Variants in ZRANB3 observed in about 807,000 individuals in gnomAD.
ZRANB3 encodes zinc finger RANBP2-type containing 3, also known as DNA annealing helicase and endonuclease ZRANB3.
In ZRANB3, 125 loss-of-function variants were observed where a neutral mutation model predicts 133.8. The observed-to-expected ratio is 0.93, with a 90% CI of 0.81 to 1.08. ZRANB3 has a LOEUF of 1.08. Among genes scored for constraint, ZRANB3 ranks in the 50% least tolerant of loss-of-function variants. ZRANB3 has a pLI of 0.00. For missense variants in ZRANB3, 1,229 were observed against 1,275.5 expected (o/e 0.96, Z 0.56); for synonymous variants, 387 against 432.7 (o/e 0.89, Z 1.31).
intron 2 of ZRANB3, among the ~76,000 whole-genome samples, chr2:135,470,191 G>C (rs747045369): frequency 1.1e-4 from 16 of 151,576 alleles, no homozygotes; most frequent in African/African-American, 1.5e-4. Context: ...CAGGCGTGGT[G>C]GTGGGCACCT....
intron 2 of ZRANB3, among the ~76,000 whole-genome samples, chr2:135,453,897 T>C (rs1690381687): frequency 1.3e-5 from 2 of 152,208 alleles, no homozygotes; most frequent in Non-Finnish European, 1.5e-5. Flanking sequence ...ACTCTACTGA[T>C]ACCAATTATT....
At chr2:135,388,774 T>C (rs1687094533) in intron 3 of ZRANB3, among the ~76,000 whole-genome samples, 1 of 152,096 alleles carries the variant, frequency 6.6e-6, no homozygotes, top group African/African-American at 2.4e-5. Flanking sequence ...TGAAGAGCCA[T>C]TTAGAGCTCA....
intron 8 of ZRANB3, among the ~76,000 whole-genome samples, chr2:135,312,115 ATTT>A (rs201623200): frequency 2.2e-5 from 3 of 138,840 alleles, no homozygotes; most frequent in East Asian, 4.0e-4. Context: ...CATTGTATTT[ATTT>A]TTTTATTTTA....
At chr2:135,300,511 CTTG>C (rs1682376187) in intron 8 of ZRANB3, among the ~76,000 whole-genome samples, 1 of 152,124 alleles carries the variant, frequency 6.6e-6, no homozygotes, top group African/African-American at 2.4e-5. Context: ...CAGCTTGCAC[CTTG>C]TTGTGTTTGG....
At chr2:135,277,182 G>A (rs1240812219) in intron 8 of ZRANB3, among the ~76,000 whole-genome samples, 5 of 151,788 alleles carry the variant, frequency 3.3e-5, no homozygotes, top group Non-Finnish European at 2.9e-5. Flanking sequence ...AACAGAAACA[G>A]GCTTATGTCC....
intron 6 of ZRANB3, among the ~76,000 whole-genome samples, chr2:135,325,185 T>C (rs1165454968): frequency 6.6e-6 from 1 of 152,112 alleles, no homozygotes; most frequent in Non-Finnish European, 1.5e-5. Context: ...TGACACAGAA[T>C]AGCCAAAACA....
At chr2:135,481,030 T>G (rs1405663077) in intron 2 of ZRANB3, among the ~76,000 whole-genome samples, 1 of 151,984 alleles carries the variant, frequency 6.6e-6, no homozygotes, top group Admixed American at 6.6e-5. Flanking sequence ...GACATTTAGG[T>G]TGGTTCCAAG....
intron 8 of ZRANB3, among the ~76,000 whole-genome samples, chr2:135,277,704 C>G (rs1264147539): frequency 6.6e-6 from 1 of 152,114 alleles, no homozygotes. Context: ...GCGGGCAGAT[C>G]ACTTAAGGTC....
At chr2:135,413,724 C>T (rs983250493) in intron 2 of ZRANB3, among the ~76,000 whole-genome samples, 1 of 151,996 alleles carries the variant, frequency 6.6e-6, no homozygotes, top group African/African-American at 2.4e-5. Context: ...TAAACTCAGC[C>T]CTCTATTTCC....
intron 2 of ZRANB3, among the ~76,000 whole-genome samples, chr2:135,471,649 G>A (rs1430982271): frequency 6.6e-6 from 1 of 152,142 alleles, no homozygotes; most frequent in Admixed American, 6.5e-5. Context: ...TATTTACTGG[G>A]GAATTATTTC....
At chr2:135,431,890 G>A (rs1366643585) in intron 2 of ZRANB3, among the ~76,000 whole-genome samples, 1 of 152,084 alleles carries the variant, frequency 6.6e-6, no homozygotes. Context: ...TTAAATAGTT[G>A]TACGACATTA....
At chr2:135,410,654 G>A (rs1688261888) in intron 2 of ZRANB3, among the ~76,000 whole-genome samples, 1 of 151,982 alleles carries the variant, frequency 6.6e-6, no homozygotes, top group African/African-American at 2.4e-5. Context: ...CACAGCAAAA[G>A]AAACAATCAA....
intron 9 of ZRANB3, among the ~76,000 whole-genome samples, chr2:135,272,414 C>CTGTTTTTTTTTTTT (rs1680562927): frequency 9.3e-6 from 1 of 107,774 alleles, no homozygotes; most frequent in African/African-American, 4.5e-5. Context: ...GAAAATAGAG[C>CTGTTTTTTTTTTTT]TTTTTTTTTT....
intron 10 of ZRANB3, 114 bp from the exon 11 acceptor site, chr2:135,269,255 T>A: frequency 7.0e-6 from 6 of 851,118 alleles, no homozygotes; most frequent in Non-Finnish European, 9.8e-6. Context: ...AAATTAGTTG[T>A]CTATTTTAGG....
chr2:135,246,982 C>T (rs1339515882), intron 12 of ZRANB3, among the ~76,000 whole-genome samples: 1 of 152,104 alleles, frequency 6.6e-6, no homozygotes. Context: ...TCTAGTAAAA[C>T]TCATAAAAAA....
chr2:135,445,640 G>A (rs1470983602), intron 2 of ZRANB3, among the ~76,000 whole-genome samples: 3 of 151,896 alleles, frequency 2.0e-5, no homozygotes, highest in Admixed American at 1.3e-4. Context: ...CACTTTGGGA[G>A]GCTGAGGCGG....
chr2:135,494,380 A>G (rs1692571626), intron 2 of ZRANB3, among the ~76,000 whole-genome samples: 1 of 151,784 alleles, frequency 6.6e-6, no homozygotes, highest in Admixed American at 6.6e-5. Context: ...GAAAGGAAGG[A>G]AAGGAGAGGA....
intron 2 of ZRANB3, among the ~76,000 whole-genome samples, chr2:135,484,930 G>A (rs1692022486): frequency 6.6e-6 from 1 of 151,844 alleles, no homozygotes; most frequent in Admixed American, 6.6e-5. Flanking sequence ...CAGCTACTCG[G>A]GAGGTAGAGG....
In ZRANB3 at chr2:135,485,126, C is replaced by T. The variant is rs192320171; in HGVS notation, c.161+19203G>A. On this transcript the variant is annotated intron_variant, in intron 2 of 20. Transcript: ENST00000264159. ...AAAGAACACTTCAGGCTATACATCT[C>T]AGAGAAACAAAACAAAACAAACAAA... is the stretch of plus-strand genomic sequence containing the variant. Among the ~76,000 whole-genome samples, 46 of 151,738 alleles carry T rather than the reference C, an allele frequency of 3.0e-4. 1 individual carries two copies. The highest frequency in any genetic ancestry group is 1.1e-3 in the African/African-American group (45 of 41,334).
Sources: gnomAD v4.1 joint callset for allele counts (sites outside exome capture counted in the v4.1 genomes callset) on GRCh38, gnomAD v4.1.1 for gene constraint, MANE v1.5 for transcripts, NCBI Gene and HGNC (gene_info 2026-07-23, HGNC 2026-07-21) for gene names.